Variants in HSPA12A observed in about 807,000 individuals in gnomAD.
HSPA12A encodes heat shock 70 kDa protein 12A.
Under a neutral mutation model 69.2 loss-of-function variants are expected in HSPA12A, and 28 were observed. That is an observed-to-expected ratio of 0.40 (90% CI 0.30 to 0.55). The LOEUF is 0.55. Among genes scored for constraint, HSPA12A ranks in the 20% least tolerant of loss-of-function variants. The probability of loss-of-function intolerance (pLI) is 0.38; values close to 1 mark genes in which losing one functional copy is unlikely to be tolerated. For synonymous variants in HSPA12A, 345 were observed against 370.5 expected, an observed-to-expected ratio of 0.93 and a Z score of 0.79; for missense variants, 686 against 900.7, an observed-to-expected ratio of 0.76 and a Z score of 3.05.
At position 116,806,353 on chromosome 10, in the gene HSPA12A, G is replaced by C. The variant is rs943682737; in HGVS notation, c.91+28582C>G. On this transcript the variant is annotated intron_variant, in intron 2 of 12. Coordinates refer to the HSPA12A transcript ENST00000635765. ...TCAGTGGCTGGGACTATACAGGCTT[G>C]AGCCACCATGCCCAGCTAATTTTTG... Among the ~76,000 whole-genome samples, 176 of 152,206 alleles carry C rather than the reference G, an allele frequency of 1.2e-3. 2 individuals carry two copies. Among genetic ancestry groups the C allele is most frequent in the African/African-American group, 4.0e-3 (168 of 41,528 alleles).
At chr10:116,711,832 G>GGT (rs782759198) in intron 1 of HSPA12A, among the ~76,000 whole-genome samples, 1 of 145,716 alleles carries the variant, frequency 6.9e-6, no homozygotes, top group East Asian at 2.0e-4. Context: ...CCCAGCTAAT[G>GGT]TTTTTTTTTT....
chr10:116,796,080 G>A lies in HSPA12A; in HGVS notation c.91+38855C>T, dbSNP rs111480917. The stretch of plus-strand genomic sequence containing the variant: ...GGAGAATGACGTGAACCCAGGAGGC[G>A]GAGCTTACAGTGAGCCAAGATCCCG... On this transcript the variant is annotated intron_variant, in intron 2 of 12. Coordinates refer to the HSPA12A transcript ENST00000635765. Among the ~76,000 whole-genome samples, 671 of 140,958 alleles carry A rather than the reference G, an allele frequency of 4.8e-3. 8 individuals carry two copies. Among genetic ancestry groups the A allele is most frequent in the African/African-American group, 0.017 (641 of 36,866 alleles). 92.5% of individuals were successfully genotyped at this position (140,958 alleles called of 152,430 possible).
intron 2 of HSPA12A, among the ~76,000 whole-genome samples, chr10:116,798,460 C>T (rs575102178): frequency 6.6e-6 from 1 of 152,262 alleles, no homozygotes; most frequent in African/African-American, 2.4e-5. Flanking sequence ...GGATCACAGC[C>T]CACATTAGCA....
chr10:116,821,182 C>T (rs113332363), intron 2 of HSPA12A, among the ~76,000 whole-genome samples: 6 of 152,304 alleles, frequency 3.9e-5, no homozygotes, highest in South Asian at 2.1e-4. Context: ...AATGTAAGAT[C>T]GTGTCACTCT....
At chr10:116,763,255 G>T (rs1252660798) in intron 2 of HSPA12A, among the ~76,000 whole-genome samples, 1 of 152,124 alleles carries the variant, frequency 6.6e-6, no homozygotes, top group African/African-American at 2.4e-5. Flanking sequence ...AATGGATCTG[G>T]CTTTGCTTTT....
At chr10:116,693,875 T>C (rs1368324898) in intron 5 of HSPA12A, among the ~76,000 whole-genome samples, 1 of 152,264 alleles carries the variant, frequency 6.6e-6, no homozygotes, top group Non-Finnish European at 1.5e-5. Context: ...AGTAAACTAT[T>C]TTAAAACATC....
chr10:116,810,835 CTG>C (rs1215930831), intron 2 of HSPA12A, among the ~76,000 whole-genome samples: 1 of 152,222 alleles, frequency 6.6e-6, no homozygotes, highest in Non-Finnish European at 1.5e-5. Flanking sequence ...GATTAGAAAA[CTG>C]AGACCCACGG....
intron 1 of HSPA12A, among the ~76,000 whole-genome samples, chr10:116,725,941 C>T (rs1392675489): frequency 2.0e-5 from 3 of 151,702 alleles, no homozygotes; most frequent in South Asian, 2.1e-4. Flanking sequence ...CATAGGACTC[C>T]GTTTACAGAA....
At chr10:116,801,621 A>G (rs112850897) in intron 2 of HSPA12A, among the ~76,000 whole-genome samples, 2,072 of 152,298 alleles carry the variant, frequency 0.014, 30 homozygotes, top group Middle Eastern at 0.024. Flanking sequence ...AACCACAAAA[A>G]TAAATTGCAC....
At chr10:116,733,870 T>C (rs1851233579) in intron 1 of HSPA12A, among the ~76,000 whole-genome samples, 1 of 152,180 alleles carries the variant, frequency 6.6e-6, no homozygotes, top group South Asian at 2.1e-4. Flanking sequence ...TCAACGTTTT[T>C]ATGGGTTTAT....
intron 1 of HSPA12A, among the ~76,000 whole-genome samples, chr10:116,737,499 TGA>T (rs1218571462): frequency 6.6e-6 from 1 of 152,208 alleles, no homozygotes; most frequent in Non-Finnish European, 1.5e-5. Context: ...CCCGGATGGC[TGA>T]GAAGACAAAG....
At chr10:116,850,363 A>C (rs1402496667), upstream of HSPA12A, 1 of 154,032 alleles carries the variant, frequency 6.5e-6, no homozygotes, top group Non-Finnish European at 1.4e-5. Context: ...CAGCCTCCCT[A>C]GGCAGCCTGT....
At chr10:116,786,319 G>T (rs1844576002) in intron 2 of HSPA12A, among the ~76,000 whole-genome samples, 2 of 152,146 alleles carry the variant, frequency 1.3e-5, no homozygotes, top group African/African-American at 4.8e-5. Context: ...AGGCTGCGCA[G>T]AACAACTCCG....
In HSPA12A at chr10:116,801,727, A is replaced by G. The variant is rs531873064; in HGVS notation, c.91+33208T>C. Among the ~76,000 whole-genome samples the G allele has an allele frequency of 3.0e-4, 45 of 152,302 alleles. No individual in the cohort carries two copies. The South Asian group carries it at 3.3e-3, about 11-fold the overall frequency. On this transcript the variant is annotated intron_variant, in intron 2 of 12. Coordinates refer to the HSPA12A transcript ENST00000635765. The stretch of plus-strand genomic sequence containing the variant: ...ATTTATACACGTCATAAAATATCAT[A>G]GAACTATTCACCAAAAGAAAAAAAA...
intron 5 of HSPA12A, among the ~76,000 whole-genome samples, chr10:116,694,261 G>C (rs1456382350): frequency 1.3e-5 from 2 of 152,092 alleles, no homozygotes; most frequent in Admixed American, 1.3e-4. Flanking sequence ...GTGACTCTTG[G>C]ACGTCCCACT....
intron 2 of HSPA12A, among the ~76,000 whole-genome samples, chr10:116,751,872 T>G (rs1422413383): frequency 6.6e-6 from 1 of 152,122 alleles, no homozygotes; most frequent in African/African-American, 2.4e-5. Context: ...GGTCCTACCA[T>G]GTGTTGTGCC....
intron 2 of HSPA12A, among the ~76,000 whole-genome samples, chr10:116,754,658 A>C (rs1843789803): frequency 6.6e-6 from 1 of 152,240 alleles, no homozygotes; most frequent in African/African-American, 2.4e-5. Flanking sequence ...AAATATGCTC[A>C]AGAAGAAACA....
chr10:116,844,885 C>T (rs779231940), intron 1 of HSPA12A, among the ~76,000 whole-genome samples: 11 of 152,210 alleles, frequency 7.2e-5, no homozygotes, highest in Admixed American at 3.9e-4. Flanking sequence ...TCTTTATTCA[C>T]ATTCATTTAG....
chr10:116,735,149 G>T (rs1384508337), intron 1 of HSPA12A, among the ~76,000 whole-genome samples: 1 of 152,174 alleles, frequency 6.6e-6, no homozygotes, highest in South Asian at 2.1e-4. Flanking sequence ...ACAAATAATT[G>T]TAAGTGTCAG....
Sources: allele counts gnomAD v4.1 joint callset (sites outside exome capture counted in the v4.1 genomes callset), GRCh38; gene constraint gnomAD v4.1.1; transcripts MANE v1.5; gene names NCBI Gene and HGNC (gene_info 2026-07-23, HGNC 2026-07-21).